PTK2: variants seen among roughly 807,000 people sequenced by gnomAD.
PTK2 encodes the protein protein tyrosine kinase 2.
PTK2 carries 45 observed loss-of-function variants against 150.1 expected under a neutral mutation model. The observed-to-expected ratio is 0.30, with a 90% CI of 0.24 to 0.38. The LOEUF (loss-of-function observed/expected upper bound fraction) is 0.38. PTK2 is among the 10% of genes least tolerant of loss of function. The pLI, the probability that PTK2 is intolerant of heterozygous loss-of-function variation, is 1.00. For synonymous variants in PTK2, 432 were observed against 449.2 expected, an observed-to-expected ratio of 0.96 and a Z score of 0.48; for missense variants, 919 against 1,307.3, an observed-to-expected ratio of 0.70 and a Z score of 4.58.
rs1234561611 is a variant in PTK2, at chr8:140,873,319, TAG to T, written c.362+6150_362+6151del. Among the ~76,000 whole-genome samples the T allele has an allele frequency of 1.3e-5, 2 of 152,168 alleles. 1 individual carries two copies. The highest frequency in any genetic ancestry group is 1.3e-4 in the Admixed American group (2 of 15,274). On this transcript the variant is annotated intron_variant, in intron 4 of 31. Coordinates refer to ENST00000522684, the Ensembl canonical transcript of PTK2. ...CAGCTGACTTTTTGCCAACTGGAGG[TAG>T]AGTTTCACTAAGGTATCGATTTGCA... is the stretch of plus-strand genomic sequence containing the variant.
chr8:140,999,422 T>A, intron 1 of PTK2, among the ~76,000 whole-genome samples: 1 of 152,322 alleles, frequency 6.6e-6, no homozygotes, highest in South Asian at 2.1e-4. Context: ...AACAAGAAGG[T>A]TCAAAATGAT....
intron 29 of PTK2, 188 bp from the exon 34 acceptor site, chr8:140,668,612 G>T: frequency 1.7e-6 from 1 of 580,864 alleles, no homozygotes; most frequent in Non-Finnish European, 2.8e-6. Flanking sequence ...TGACAAATTA[G>T]GCAGTATTTT....
At chr8:140,966,436 T>C (rs1453414682) in intron 1 of PTK2, among the ~76,000 whole-genome samples, 1 of 152,218 alleles carries the variant, frequency 6.6e-6, no homozygotes, top group Admixed American at 6.5e-5. Flanking sequence ...CTTACTGTTT[T>C]AGCAACAGGC....
chr8:140,848,647 G>GT (rs200126753), intron 5 of PTK2, among the ~76,000 whole-genome samples: 3,701 of 152,198 alleles, frequency 0.024, 159 homozygotes, highest in African/African-American at 0.086. Flanking sequence ...AGAACTATTC[G>GT]TTTAACTTCT....
At chr8:140,669,521 A>G (rs2094477674) in intron 29 of PTK2, 1 of 540,124 alleles carries the variant, frequency 1.9e-6, no homozygotes, top group African/African-American at 1.9e-5. Flanking sequence ...AAGCACAAGA[A>G]TAATTCATTT....
intron 31 of PTK2, chr8:140,660,704 T>G: frequency 2.3e-6 from 1 of 441,424 alleles, no homozygotes; most frequent in Non-Finnish European, 4.6e-6. Context: ...CCAGCCTGGG[T>G]GACAGAGCCA....
chr8:140,802,702 A>T (rs2100095822), intron 11 of PTK2, among the ~76,000 whole-genome samples: 3 of 152,168 alleles, frequency 2.0e-5, no homozygotes, highest in Non-Finnish European at 4.4e-5. Flanking sequence ...CTGTATTTTT[A>T]CTGTGCCTTT....
At chr8:140,761,427 A>G in intron 15 of PTK2, 165 bp from the exon 19 acceptor site, 1 of 671,802 alleles carries the variant, frequency 1.5e-6, no homozygotes, top group South Asian at 1.7e-5. Context: ...ATATTTTAAC[A>G]GGAATTCATG....
chr8:140,680,227 T>C (rs2100016236), intron 27 of PTK2, among the ~76,000 whole-genome samples: 1 of 152,080 alleles, frequency 6.6e-6, no homozygotes, highest in African/African-American at 2.4e-5. Context: ...CTGATTGTCT[T>C]AGAAGTTCTT....
chr8:140,778,877 T>C (rs955171855), intron 14 of PTK2, among the ~76,000 whole-genome samples: 1 of 152,052 alleles, frequency 6.6e-6, no homozygotes, highest in African/African-American at 2.4e-5. Flanking sequence ...TTTCTTAAAA[T>C]TGAAATTATA....
intron 31 of PTK2, chr8:140,662,726 G>C (rs940162293): frequency 6.7e-6 from 4 of 593,998 alleles, no homozygotes; most frequent in East Asian, 2.8e-5. Context: ...ACATCCCCTG[G>C]ACATCGTATG....
intron 4 of PTK2, among the ~76,000 whole-genome samples, chr8:140,867,577 C>T (rs1219299490): frequency 6.6e-6 from 1 of 152,192 alleles, no homozygotes; most frequent in African/African-American, 2.4e-5. Flanking sequence ...AATGAGAACA[C>T]ATCCACATAA....
At chr8:140,972,418 C>T (rs1028286174) in intron 1 of PTK2, among the ~76,000 whole-genome samples, 1 of 152,124 alleles carries the variant, frequency 6.6e-6, no homozygotes, top group African/African-American at 2.4e-5. Flanking sequence ...GCGCACGCCA[C>T]CACGCCTGGC....
chr8:140,869,498 A>G (rs909192763), intron 4 of PTK2, among the ~76,000 whole-genome samples: 9 of 152,200 alleles, frequency 5.9e-5, no homozygotes, highest in Admixed American at 2.0e-4. Flanking sequence ...TTCCCTTAAC[A>G]GCATCATAAA....
intron 18 of PTK2, 82 bp downstream of exon 21, chr8:140,746,678 T>C (rs1242180432): frequency 2.5e-5 from 26 of 1,047,138 alleles, no homozygotes; most frequent in Non-Finnish European, 3.7e-5. Flanking sequence ...AAATCCAAGA[T>C]ATAAACTGTT....
At chr8:140,916,696 T>C (rs958552481) in intron 2 of PTK2, among the ~76,000 whole-genome samples, 1 of 152,216 alleles carries the variant, frequency 6.6e-6, no homozygotes, top group Non-Finnish European at 1.5e-5. Context: ...ATGGTACATA[T>C]ATCAAAATGC....
intron 24 of PTK2, 107 bp downstream of exon 27, chr8:140,706,012 A>C (rs1432969077): frequency 2.2e-6 from 2 of 897,538 alleles, no homozygotes; most frequent in African/African-American, 1.7e-5. Context: ...CTATCGGCCA[A>C]ATCATACTCA....
chr8:140,795,629 G>A (rs1004817898), intron 12 of PTK2, among the ~76,000 whole-genome samples: 2 of 152,004 alleles, frequency 1.3e-5, no homozygotes, highest in Non-Finnish European at 2.9e-5. Context: ...TTTATCGCAC[G>A]TATGTCCTCA....
At chr8:140,715,769 T>G (rs564369424) in intron 23 of PTK2, among the ~76,000 whole-genome samples, 1 of 145,174 alleles carries the variant, frequency 6.9e-6, no homozygotes, top group South Asian at 2.2e-4. Flanking sequence ...AATATATATT[T>G]TGAAAATATC....
Sources: gnomAD v4.1 joint callset for allele counts (sites outside exome capture counted in the v4.1 genomes callset) on GRCh38, gnomAD v4.1.1 for gene constraint, MANE v1.5 for transcripts, NCBI Gene and HGNC (gene_info 2026-07-23, HGNC 2026-07-21) for gene names.